The following C8orf88 variants were observed in gnomAD, a reference collection of about 807,000 sequenced individuals.
C8orf88 encodes the protein chromosome 8 open reading frame 88.
In C8orf88, 14 loss-of-function variants were observed where a neutral mutation model predicts 18.4. The ratio of observed to expected loss-of-function variants is 0.76; its 90% CI spans 0.50 to 1.19. C8orf88 has a LOEUF of 1.19. Ranked by LOEUF, C8orf88 falls within the 50% of genes most tolerant of loss-of-function variation. The pLI is 0.00. For missense variants in C8orf88, 116 were observed against 134.7 expected (o/e 0.86, Z 0.69); for synonymous variants, 45 against 42.9 (o/e 1.05, Z -0.19).
chr8:90,984,809 G>A (rs906154099), intron 1 of C8orf88, among the ~76,000 whole-genome samples: 1 of 152,196 alleles, frequency 6.6e-6, no homozygotes, highest in East Asian at 1.9e-4. Context: ...GCCAAGGGGA[G>A]CTGTGTACTT....
chr8:90,985,283 G>A (rs1811492085), upstream of C8orf88: 1 of 147,300 alleles, frequency 6.8e-6, no homozygotes, highest in African/African-American at 2.5e-5. Context: ...GGCGGGGGGC[G>A]GGGCGGGAGG....
At chr8:90,977,599 T>C (rs369826070) in intron 3 of C8orf88, among the ~76,000 whole-genome samples, 3 of 152,298 alleles carry the variant, frequency 2.0e-5, no homozygotes, top group African/African-American at 7.2e-5. Context: ...GTATTCCATT[T>C]ACAAATATAC....
At chr8:90,960,243 TAAAG>T (rs1476777643) in intron 5 of C8orf88, among the ~76,000 whole-genome samples, 1 of 151,436 alleles carries the variant, frequency 6.6e-6, no homozygotes, top group Admixed American at 6.6e-5. Flanking sequence ...AAAGACATGT[TAAAG>T]AAAAATACAT....
intron 4 of C8orf88, among the ~76,000 whole-genome samples, chr8:90,962,790 G>A (rs1811147509): frequency 6.6e-6 from 1 of 151,592 alleles, no homozygotes; most frequent in Non-Finnish European, 1.5e-5. Context: ...CATTAAAGCT[G>A]CTGCCCAAAG....
At chr8:90,983,559 T>C (rs1434673161) in intron 1 of C8orf88, among the ~76,000 whole-genome samples, 1 of 152,180 alleles carries the variant, frequency 6.6e-6, no homozygotes, top group Admixed American at 6.5e-5. Flanking sequence ...TACAATGGGA[T>C]AATAAGCAGA....
chr8:90,965,911 G>A (rs982996637), intron 4 of C8orf88, among the ~76,000 whole-genome samples: 2 of 151,760 alleles, frequency 1.3e-5, no homozygotes, highest in African/African-American at 4.8e-5. Flanking sequence ...AGCTATAAAT[G>A]TCTATATTAA....
chr8:90,983,597 A>G (rs1811463704), intron 1 of C8orf88, among the ~76,000 whole-genome samples: 1 of 152,162 alleles, frequency 6.6e-6, no homozygotes, highest in Admixed American at 6.5e-5. Flanking sequence ...CCAAAATCTT[A>G]TTAATCTTAT....
In C8orf88 at chr8:90,965,906, T is replaced by C. The variant is rs1477070054; in HGVS notation, c.224-5058A>G. Among the ~76,000 whole-genome samples the C allele has an allele frequency of 5.9e-5, 9 of 151,860 alleles. No individual in the cohort carries two copies. The South Asian group carries it at 1.7e-3, about 28-fold the overall frequency. On this transcript the variant is annotated intron_variant, in intron 4 of 5. Transcript: ENST00000517562. ...GTGTTCAGATCATAGTTTATAGCTA[T>C]AAATGTCTATATTAAAAAAGAAGAA... is the stretch of plus-strand genomic sequence containing the variant.
At chr8:90,980,176 T>G (rs1811412466) in intron 2 of C8orf88, among the ~76,000 whole-genome samples, 187 bp downstream of exon 2, 1 of 152,196 alleles carries the variant, frequency 6.6e-6, no homozygotes, top group Non-Finnish European at 1.5e-5. Flanking sequence ...CCTACTTTTG[T>G]TGGTCTGGTA....
chr8:90,982,003 T>A (rs1437243692), intron 1 of C8orf88, among the ~76,000 whole-genome samples: 1 of 152,146 alleles, frequency 6.6e-6, no homozygotes, highest in Non-Finnish European at 1.5e-5. Context: ...TTAAATATCT[T>A]TGGACATGTA....
intron 3 of C8orf88, among the ~76,000 whole-genome samples, chr8:90,975,841 TATA>T (rs1811340314): frequency 6.6e-6 from 1 of 151,918 alleles, no homozygotes; most frequent in Non-Finnish European, 1.5e-5. Flanking sequence ...TAGCATTATT[TATA>T]ATATCTAAAA....
At chr8:90,976,488 G>T (rs1328460139) in intron 3 of C8orf88, among the ~76,000 whole-genome samples, 1 of 151,948 alleles carries the variant, frequency 6.6e-6, no homozygotes, top group Admixed American at 6.6e-5. Flanking sequence ...AAAAAGTAAT[G>T]AATATTACTG....
rs61625518 is a variant in C8orf88 at position 90,979,081 on chromosome 8, T to C, written c.74-429A>G. 3.9e-3 allele frequency among the ~76,000 whole-genome samples: 601 copies of C among 152,272 alleles called. 3 individuals are homozygous for C. The highest frequency in any genetic ancestry group is 0.014 in the African/African-American group (571 of 41,560). Reference sequence around the variant, plus strand: ...AGAGATCTGAGATGGCCAGGGAGTATGTAAGCGTGTTAAGAAACACCAAAA... The same window carrying C: ...AGAGATCTGAGATGGCCAGGGAGTACGTAAGCGTGTTAAGAAACACCAAAA... On this transcript the variant is annotated intron_variant, in intron 2 of 5. Coordinates refer to ENST00000517562, the MANE Select transcript of C8orf88 (RefSeq NM_001190972.2).
intron 5 of C8orf88, among the ~76,000 whole-genome samples, chr8:90,960,142 T>C (rs983678698): frequency 6.6e-6 from 1 of 151,432 alleles, no homozygotes; most frequent in Admixed American, 6.6e-5. Flanking sequence ...CCAATGAATA[T>C]CCTAAGAGAT....
In C8orf88 at chr8:90,978,657, T is replaced by C. The variant is rs780888129; in HGVS notation, c.74-5A>G. On this transcript the variant is annotated splice_region_variant and splice_polypyrimidine_tract_variant and intron_variant, in intron 2 of 5. Coordinates refer to ENST00000517562, the MANE Select transcript of C8orf88 (RefSeq NM_001190972.2). ...AGTTGAAAGGGAACACTGCTCCTGT[T>C]AGGAGAGGAAGAAAACAATTTCATA... 4.0e-6 allele frequency: 6 copies of C among 1,502,892 alleles called. No individual in the cohort carries two copies. Among genetic ancestry groups the C allele is most frequent in the South Asian group, 1.3e-5 (1 of 79,282 alleles). The allele number at this position is 1,502,892 out of a possible 1,614,324, so 93.1% of individuals were successfully genotyped here.
intron 4 of C8orf88, among the ~76,000 whole-genome samples, chr8:90,970,427 A>C (rs1449973269): frequency 6.6e-6 from 1 of 152,038 alleles, no homozygotes; most frequent in Non-Finnish European, 1.5e-5. Flanking sequence ...AAAAATTTGG[A>C]AACTAAAATC....
chr8:90,970,322 AT>A (rs1811265247), intron 4 of C8orf88, among the ~76,000 whole-genome samples: 1 of 152,088 alleles, frequency 6.6e-6, no homozygotes, highest in Admixed American at 6.6e-5. Context: ...AAATTTGGAA[AT>A]AATTGTATTT....
intron 1 of C8orf88, among the ~76,000 whole-genome samples, chr8:90,984,263 T>C (rs1586168211): frequency 6.6e-6 from 1 of 152,238 alleles, no homozygotes; most frequent in South Asian, 2.1e-4. Flanking sequence ...AATTCCCATA[T>C]GATAACCAGA....
At chr8:90,977,292 A>G (rs1157118960) in intron 3 of C8orf88, among the ~76,000 whole-genome samples, 1 of 152,194 alleles carries the variant, frequency 6.6e-6, no homozygotes, top group Non-Finnish European at 1.5e-5. Context: ...TAAGGTGAGG[A>G]CATAGACAAA....
Sources: gnomAD v4.1 joint callset for allele counts (sites outside exome capture counted in the v4.1 genomes callset) on GRCh38, gnomAD v4.1.1 for gene constraint, MANE v1.5 for transcripts, NCBI Gene and HGNC (gene_info 2026-07-23, HGNC 2026-07-21) for gene names.